The following CSMD1 variants were observed in gnomAD, a reference collection of about 807,000 sequenced individuals.
The protein encoded by CSMD1 is CUB and Sushi multiple domains 1.
CSMD1 carries 213 observed loss-of-function variants against 417.5 expected under a neutral mutation model. That is an observed-to-expected ratio of 0.51 (90% CI 0.46 to 0.57). The LOEUF (loss-of-function observed/expected upper bound fraction) is 0.57, where lower values mean the gene tolerates loss of function less well. Among genes scored for constraint, CSMD1 ranks in the 20% least tolerant of loss-of-function variants. The pLI is 0.00. For synonymous variants in CSMD1, 2,862 were observed against 1,736.8 expected (o/e 1.65, Z -16.11); for missense variants, 6,923 against 4,529.7 (o/e 1.53, Z -15.17).
At chr8:3,512,789 A>G (rs11993416) in intron 10 of CSMD1, among the ~76,000 whole-genome samples, 65,290 of 151,164 alleles carry the variant, frequency 0.43, 14,319 homozygotes, top group African/African-American at 0.51. Context: ...ATTTTTTACT[A>G]GAGACAGGGT....
chr8:3,256,588 C>G (rs762106666), intron 26 of CSMD1, among the ~76,000 whole-genome samples: 1 of 152,170 alleles, frequency 6.6e-6, no homozygotes, highest in Non-Finnish European at 1.5e-5. Flanking sequence ...GACAAATGAA[C>G]CAACAACACT....
intron 3 of CSMD1, among the ~76,000 whole-genome samples, chr8:4,183,955 A>T (rs4875302): frequency 1.3e-5 from 2 of 151,966 alleles, no homozygotes; most frequent in South Asian, 2.1e-4. Flanking sequence ...ACTGCTCCTG[A>T]GAACACAGAA....
chr8:4,400,863 T>C (rs1270773905), intron 3 of CSMD1, among the ~76,000 whole-genome samples: 2 of 151,660 alleles, frequency 1.3e-5, no homozygotes, highest in Admixed American at 6.6e-5. Flanking sequence ...AGCAGAAAAA[T>C]TGAACTCAAC....
intron 7 of CSMD1, among the ~76,000 whole-genome samples, chr8:3,668,782 T>C (rs1208337984): frequency 6.6e-6 from 1 of 152,156 alleles, no homozygotes; most frequent in African/African-American, 2.4e-5. Context: ...TCTACTCTAG[T>C]TTTGGCTCAT....
At chr8:3,878,804 C>T (rs796470897) in intron 5 of CSMD1, among the ~76,000 whole-genome samples, 34 of 152,204 alleles carry the variant, frequency 2.2e-4, no homozygotes, top group African/African-American at 5.3e-4. Context: ...ACTATAACGA[C>T]GACCACAAAT....
At chr8:4,195,496 T>C (rs150240741) in intron 3 of CSMD1, among the ~76,000 whole-genome samples, 3 of 152,336 alleles carry the variant, frequency 2.0e-5, no homozygotes, top group Non-Finnish European at 2.9e-5. Context: ...CCCTCTGTTG[T>C]TCACATCTCT....
intron 3 of CSMD1, among the ~76,000 whole-genome samples, chr8:4,100,585 G>A (rs1293828526): frequency 6.6e-6 from 1 of 152,158 alleles, no homozygotes; most frequent in Non-Finnish European, 1.5e-5. Context: ...TCACCTGGGA[G>A]GTGGTAAGAG....
At position 3,592,873 on chromosome 8, in the gene CSMD1, C is replaced by A. The variant is rs565081313; in HGVS notation, c.1098-6613G>T. Among the ~76,000 whole-genome samples the A allele has an allele frequency of 2.0e-5, 3 of 152,158 alleles. No homozygotes were observed. The South Asian group carries it at 6.4e-4, about 33-fold the overall frequency. ...TAAAGGAGATGTGATGGTAGGTTCT[C>A]CCACTTCCTGCTTCTCCACTATAAG... On this transcript the variant is annotated intron_variant, in intron 8 of 69. Transcript: ENST00000635120.
chr8:4,096,273 G>A (rs1801004065), intron 3 of CSMD1, among the ~76,000 whole-genome samples: 2 of 151,982 alleles, frequency 1.3e-5, no homozygotes, highest in South Asian at 4.2e-4. Context: ...TAGCAAGCAG[G>A]CCCTTGGGAT....
intron 17 of CSMD1, 67 bp downstream of exon 17, chr8:3,396,127 G>T (rs751179029): frequency 7.2e-7 from 1 of 1,386,000 alleles, no homozygotes; most frequent in Non-Finnish European, 1.0e-6. Flanking sequence ...CTGGAAATAA[G>T]AACCCAGATC....
At chr8:3,004,899 G>C (rs554753398) in intron 52 of CSMD1, among the ~76,000 whole-genome samples, 1 of 152,194 alleles carries the variant, frequency 6.6e-6, no homozygotes, top group East Asian at 1.9e-4. Context: ...AGCACTTTGG[G>C]ATGCTGAGGT....
intron 5 of CSMD1, among the ~76,000 whole-genome samples, chr8:3,838,926 C>CTCTA (rs1554455723): frequency 2.8e-5 from 3 of 108,240 alleles, no homozygotes; most frequent in East Asian, 4.7e-4. Flanking sequence ...TATAGTCTCT[C>CTCTA]TATTTATATA....
At chr8:4,542,356 C>CA (rs34330098) in intron 2 of CSMD1, among the ~76,000 whole-genome samples, 5 of 151,198 alleles carry the variant, frequency 3.3e-5, no homozygotes, top group Admixed American at 3.3e-4. Context: ...AACTTACTAA[C>CA]AAAAAAAAAG....
At chr8:3,741,229 A>AC (rs1563329867) in intron 6 of CSMD1, among the ~76,000 whole-genome samples, 1 of 150,938 alleles carries the variant, frequency 6.6e-6, no homozygotes, top group East Asian at 2.0e-4. Context: ...AAAAAAAAAA[A>AC]AAAAAAAAAA....
chr8:3,276,319 C>A (rs934149625), intron 26 of CSMD1, among the ~76,000 whole-genome samples: 1 of 152,266 alleles, frequency 6.6e-6, no homozygotes, highest in South Asian at 2.1e-4. Flanking sequence ...CCACTGCTCT[C>A]TTCAAAGCTC....
intron 5 of CSMD1, among the ~76,000 whole-genome samples, chr8:3,877,450 T>C (rs1311220692): frequency 2.0e-5 from 3 of 152,184 alleles, no homozygotes; most frequent in Non-Finnish European, 4.4e-5. Flanking sequence ...ATTCTCTTAA[T>C]CTAGCAGGCC....
At chr8:3,568,700 T>C (rs1799820766) in intron 10 of CSMD1, among the ~76,000 whole-genome samples, 1 of 152,102 alleles carries the variant, frequency 6.6e-6, no homozygotes, top group Non-Finnish European at 1.5e-5. Context: ...TGTGTATATA[T>C]AGGTGTGTGT....
intron 1 of CSMD1, among the ~76,000 whole-genome samples, chr8:4,910,765 A>C (rs1244719013): frequency 6.6e-6 from 1 of 152,212 alleles, no homozygotes; most frequent in African/African-American, 2.4e-5. Flanking sequence ...GTCTCACCCC[A>C]ACAAGGACCT....
chr8:3,388,056 A>G (rs1811121177), intron 17 of CSMD1, among the ~76,000 whole-genome samples: 2 of 152,214 alleles, frequency 1.3e-5, no homozygotes, highest in Non-Finnish European at 2.9e-5. Context: ...TATATGTATT[A>G]AATATAGACA....
Sources: allele counts gnomAD v4.1 joint callset (sites outside exome capture counted in the v4.1 genomes callset), GRCh38; gene constraint gnomAD v4.1.1; transcripts MANE v1.5; gene names NCBI Gene and HGNC (gene_info 2026-07-23, HGNC 2026-07-21).